Variants in CNTLN observed in about 807,000 individuals in gnomAD.
The protein encoded by CNTLN is centlein.
Under a neutral mutation model 180.0 loss-of-function variants are expected in CNTLN, and 212 were observed. The ratio of observed to expected loss-of-function variants is 1.18; its 90% CI spans 1.05 to 1.32. The LOEUF is 1.32. Ranked by LOEUF, CNTLN falls within the 40% of genes most tolerant of loss-of-function variation. CNTLN has a pLI of 0.00. For missense variants in CNTLN, 2,095 were observed against 1,610.9 expected (o/e 1.30, Z -5.14); for synonymous variants, 722 against 563.1 (o/e 1.28, Z -3.99).
chr9:17,158,134 C>G (rs774308506), intron 2 of CNTLN, among the ~76,000 whole-genome samples: 1 of 152,110 alleles, frequency 6.6e-6, no homozygotes, highest in Non-Finnish European at 1.5e-5. Flanking sequence ...CAACCTGTAT[C>G]TTTTCTGTCT....
intron 12 of CNTLN, among the ~76,000 whole-genome samples, chr9:17,365,885 G>A (rs1823776804): frequency 6.6e-6 from 1 of 152,174 alleles, no homozygotes; most frequent in Non-Finnish European, 1.5e-5. Context: ...GGTAGGGGCT[G>A]CAGTAAGCCA....
At chr9:17,442,222 C>T (rs1311048296) in intron 18 of CNTLN, among the ~76,000 whole-genome samples, 1 of 152,164 alleles carries the variant, frequency 6.6e-6, no homozygotes, top group Non-Finnish European at 1.5e-5. Context: ...AATATATATT[C>T]TTCTCAAGTG....
In CNTLN at chr9:17,272,330, C is replaced by T. The variant is rs1273929129; in HGVS notation, c.850-1403C>T. 1.1e-4 allele frequency among the ~76,000 whole-genome samples: 16 copies of T among 152,072 alleles called. 1 individual carries two copies. In the East Asian group the frequency reaches 3.1e-3, roughly 29 times the overall value. ...GACCTCGTGATCTGCCCGCCTCAGC[C>T]TCCTAAAGTGCTGGGATTACAGGCG... On this transcript the variant is annotated intron_variant, in intron 5 of 25. Coordinates refer to ENST00000380647, the MANE Select transcript of CNTLN (RefSeq NM_017738.4).
At chr9:17,429,750 C>G (rs879821667) in intron 18 of CNTLN, among the ~76,000 whole-genome samples, 14 of 151,920 alleles carry the variant, frequency 9.2e-5, no homozygotes, top group Non-Finnish European at 1.6e-4. Flanking sequence ...AGAGTCATCT[C>G]TCTCTAATCA....
intron 6 of CNTLN, among the ~76,000 whole-genome samples, chr9:17,288,596 T>G (rs1232536567): frequency 7.7e-6 from 1 of 130,610 alleles, no homozygotes; most frequent in East Asian, 2.1e-4. Context: ...CTGTCTAATG[T>G]TGACAGTGGG....
At chr9:17,461,374 A>G (rs1422570776) in intron 19 of CNTLN, among the ~76,000 whole-genome samples, 2 of 151,752 alleles carry the variant, frequency 1.3e-5, no homozygotes, top group East Asian at 3.9e-4. Flanking sequence ...AATAAGACAC[A>G]ATACATCACT....
intron 25 of CNTLN, among the ~76,000 whole-genome samples, chr9:17,501,536 A>C (rs1055801225): frequency 1.3e-5 from 2 of 152,248 alleles, no homozygotes; most frequent in African/African-American, 4.8e-5. Flanking sequence ...CTGAGGACCC[A>C]GACAAAGGCC....
In CNTLN at chr9:17,226,184, C is replaced by G. The variant is rs202215406; in HGVS notation, c.450-19C>G. On this transcript the variant is annotated intron_variant, in intron 2 of 25. Coordinates refer to ENST00000380647, the MANE Select transcript of CNTLN (RefSeq NM_017738.4). ...AGCTACCAGTTATGACTAATAAACT[C>G]TCTATATTTTATATCTAGAGAAAAA... The G allele has an allele frequency of 1.5e-6, 2 of 1,349,136 alleles. No individual in the cohort carries two copies. Among genetic ancestry groups the G allele is most frequent in the East Asian group, 4.8e-5 (2 of 41,800 alleles). The allele number at this position is 1,349,136 out of a possible 1,614,324, so 83.6% of individuals were successfully genotyped here.
intron 25 of CNTLN, among the ~76,000 whole-genome samples, chr9:17,496,345 C>T (rs1833454659): frequency 6.6e-6 from 1 of 152,176 alleles, no homozygotes; most frequent in Non-Finnish European, 1.5e-5. Context: ...CAAGATCAGG[C>T]ATTAGCCATA....
intron 2 of CNTLN, among the ~76,000 whole-genome samples, chr9:17,211,526 T>G (rs1224954001): frequency 2.6e-5 from 4 of 152,216 alleles, no homozygotes; most frequent in Non-Finnish European, 5.9e-5. Context: ...TAGGATTGTC[T>G]TGGCAATGCG....
chr9:17,462,192 G>A (rs1444039352), intron 19 of CNTLN, among the ~76,000 whole-genome samples: 1 of 151,560 alleles, frequency 6.6e-6, no homozygotes, highest in Non-Finnish European at 1.5e-5. Flanking sequence ...GGTCTCTTCT[G>A]GGCTACCTCA....
intron 23 of CNTLN, among the ~76,000 whole-genome samples, chr9:17,484,081 T>C (rs1832778893): frequency 6.6e-6 from 1 of 152,166 alleles, no homozygotes; most frequent in Admixed American, 6.5e-5. Context: ...GGAGCTTTGC[T>C]TAATCCAGCA....
chr9:17,159,443 G>T (rs1387827198), intron 2 of CNTLN, among the ~76,000 whole-genome samples: 1 of 152,160 alleles, frequency 6.6e-6, no homozygotes, highest in Non-Finnish European at 1.5e-5. Context: ...GCAGCCTAAG[G>T]TTCTCTTGGC....
chr9:17,498,544 A>T (rs1389474938), intron 25 of CNTLN, among the ~76,000 whole-genome samples: 2 of 152,174 alleles, frequency 1.3e-5, no homozygotes, highest in African/African-American at 4.8e-5. Context: ...CCTTAAGACT[A>T]CCTATAGACC....
chr9:17,371,886 A>C (rs1297303915), intron 13 of CNTLN, among the ~76,000 whole-genome samples: 1 of 152,178 alleles, frequency 6.6e-6, no homozygotes, highest in African/African-American at 2.4e-5. Flanking sequence ...TGAAGAAATT[A>C]AGGAGGAAAT....
intron 13 of CNTLN, among the ~76,000 whole-genome samples, chr9:17,381,997 A>G (rs1338301242): frequency 2.0e-5 from 3 of 152,178 alleles, no homozygotes; most frequent in South Asian, 2.1e-4. Context: ...CTCAACATTA[A>G]TGGAGCAGGG....
intron 12 of CNTLN, among the ~76,000 whole-genome samples, chr9:17,359,815 G>T (rs1434007576): frequency 1.3e-5 from 2 of 148,898 alleles, no homozygotes; most frequent in Admixed American, 6.8e-5. Flanking sequence ...CAGGAGAATG[G>T]CGTGAACCTG....
the CNTLN span, among the ~76,000 whole-genome samples, chr9:17,520,185 G>T: frequency 1.3e-5 from 2 of 152,162 alleles, no homozygotes; most frequent in African/African-American, 4.8e-5. Flanking sequence ...AATTTTGCAA[G>T]ATTTTATGAA....
chr9:17,155,063 G>C (rs1045923187), intron 2 of CNTLN, among the ~76,000 whole-genome samples: 6 of 152,142 alleles, frequency 3.9e-5, no homozygotes, highest in South Asian at 2.1e-4. Flanking sequence ...TTTAAGAGCT[G>C]TAATACTCAC....
Sources: allele counts gnomAD v4.1 joint callset (sites outside exome capture counted in the v4.1 genomes callset), GRCh38; gene constraint gnomAD v4.1.1; transcripts MANE v1.5; gene names NCBI Gene and HGNC (gene_info 2026-07-23, HGNC 2026-07-21).